The following CSMD3 variants were observed in gnomAD, a reference collection of about 807,000 sequenced individuals.
CSMD3 encodes the protein CUB and sushi domain-containing protein 3.
In CSMD3, 177 loss-of-function variants were observed where a neutral mutation model predicts 435.2. That is an observed-to-expected ratio of 0.41 (90% CI 0.36 to 0.46). The LOEUF (loss-of-function observed/expected upper bound fraction) is 0.46, where lower values mean the gene tolerates loss of function less well. CSMD3 is among the 20% of genes least tolerant of loss of function. The pLI is 0.34. For synonymous variants in CSMD3, 1,656 were observed against 1,520.5 expected (o/e 1.09, Z -2.07); for missense variants, 4,265 against 4,504.6 (o/e 0.95, Z 1.52).
chr8:112,791,144 G>A (rs528591171), intron 13 of CSMD3, among the ~76,000 whole-genome samples: 1 of 152,022 alleles, frequency 6.6e-6, no homozygotes, highest in East Asian at 1.9e-4. Flanking sequence ...GCAATGTGGT[G>A]AAACTCCATC....
intron 66 of CSMD3, among the ~76,000 whole-genome samples, chr8:112,241,248 G>A (rs1006986761): frequency 6.6e-6 from 1 of 151,910 alleles, no homozygotes; most frequent in Non-Finnish European, 1.5e-5. Flanking sequence ...AGGTTGTAGG[G>A]CTTTAAAGTT....
At chr8:112,715,191 A>T (rs781344348) in intron 13 of CSMD3, among the ~76,000 whole-genome samples, 5 of 152,182 alleles carry the variant, frequency 3.3e-5, no homozygotes, top group Non-Finnish European at 5.9e-5. Flanking sequence ...CTAATGAAGG[A>T]GAAAAGAGAT....
chr8:113,391,708 T>C (rs752605811), intron 1 of CSMD3, among the ~76,000 whole-genome samples: 2 of 151,810 alleles, frequency 1.3e-5, no homozygotes, highest in Non-Finnish European at 2.9e-5. Context: ...GAAGATGCAA[T>C]TGACAGAACT....
intron 13 of CSMD3, among the ~76,000 whole-genome samples, chr8:112,769,917 T>G (rs983581294): frequency 7.2e-5 from 11 of 152,022 alleles, no homozygotes; most frequent in African/African-American, 2.4e-4. Flanking sequence ...TGTACAATAG[T>G]GTAAATATAT....
At chr8:113,402,798 G>A (rs2094515882) in intron 1 of CSMD3, among the ~76,000 whole-genome samples, 1 of 151,284 alleles carries the variant, frequency 6.6e-6, no homozygotes, top group African/African-American at 2.4e-5. Context: ...TTAGTATAAG[G>A]AGTTAAGCAT....
chr8:112,784,638 T>C (rs1249509476), intron 13 of CSMD3, among the ~76,000 whole-genome samples: 2 of 151,988 alleles, frequency 1.3e-5, no homozygotes, highest in Non-Finnish European at 2.9e-5. Flanking sequence ...TGTGAGCAAC[T>C]ATATGCCAAG....
intron 3 of CSMD3, among the ~76,000 whole-genome samples, chr8:113,222,389 A>G (rs2092978141): frequency 6.6e-6 from 1 of 151,028 alleles, no homozygotes; most frequent in African/African-American, 2.4e-5. Context: ...GAATATTTCA[A>G]TATCTATTGA....
chr8:113,341,161 A>G (rs954090503), intron 1 of CSMD3, among the ~76,000 whole-genome samples: 3 of 152,162 alleles, frequency 2.0e-5, no homozygotes, highest in Non-Finnish European at 2.9e-5. Context: ...GCATGTATTT[A>G]TGCACATATA....
At chr8:112,535,372 C>G (rs1368558038) in intron 27 of CSMD3, among the ~76,000 whole-genome samples, 1 of 151,982 alleles carries the variant, frequency 6.6e-6, no homozygotes, top group South Asian at 2.1e-4. Flanking sequence ...TCTTATACAC[C>G]AATAACAGAC....
chr8:112,327,601 T>C (rs1308226467), intron 45 of CSMD3, among the ~76,000 whole-genome samples: 1 of 152,204 alleles, frequency 6.6e-6, no homozygotes, highest in Non-Finnish European at 1.5e-5. Context: ...ATTCACACTT[T>C]AAAAATACAC....
At chr8:112,466,549 C>T (rs1817974854) in intron 32 of CSMD3, among the ~76,000 whole-genome samples, 1 of 152,102 alleles carries the variant, frequency 6.6e-6, no homozygotes, top group South Asian at 2.1e-4. Context: ...CAAGTCAAAA[C>T]TACATTAGCA....
At chr8:112,735,295 GA>G (rs1417573636) in intron 13 of CSMD3, among the ~76,000 whole-genome samples, 2 of 151,944 alleles carry the variant, frequency 1.3e-5, no homozygotes, top group African/African-American at 4.8e-5. Flanking sequence ...AGCACAATGT[GA>G]GCAGAGCAGA....
rs1238135562 is a variant in CSMD3 at position 113,153,167 on chromosome 8, GAAGGAAAGA to G, written c.709+20546_709+20554del. On this transcript the variant is annotated intron_variant, in intron 4 of 70. Transcript: ENST00000297405. ...GGAAGGAAGGAAGGAAGGAAGGAAG[GAAGGAAAGA>G]AGGAAGGGAGGGAAGGAGGAAGGGA... is the stretch of plus-strand genomic sequence containing the variant. 3.5e-5 allele frequency among the ~76,000 whole-genome samples: 5 copies of G among 142,594 alleles called. No individual in the cohort carries two copies. The East Asian group carries it at 8.5e-4, about 24-fold the overall frequency. The allele number at this position is 142,594 out of a possible 152,430, so 93.5% of individuals were successfully genotyped here. A position where few individuals can be genotyped will look rare whatever the true frequency, so the allele number is the denominator to read the frequency against.
At chr8:112,794,777 C>G (rs7824961) in intron 13 of CSMD3, among the ~76,000 whole-genome samples, 1 of 151,982 alleles carries the variant, frequency 6.6e-6, no homozygotes, top group Non-Finnish European at 1.5e-5. Flanking sequence ...AAAAAAATTA[C>G]CCCCTTGAAA....
At chr8:112,615,488 T>A in intron 22 of CSMD3, among the ~76,000 whole-genome samples, 1 of 152,066 alleles carries the variant, frequency 6.6e-6, no homozygotes, top group Non-Finnish European at 1.5e-5. Context: ...GCACAGTAAT[T>A]GGTACCTAGA....
chr8:113,093,692 G>A (rs1302516362), intron 5 of CSMD3, among the ~76,000 whole-genome samples: 1 of 152,064 alleles, frequency 6.6e-6, no homozygotes, highest in Non-Finnish European at 1.5e-5. Context: ...TTAGATGGGA[G>A]TCAGCCTTCA....
At chr8:112,741,102 A>T (rs2077294809) in intron 13 of CSMD3, among the ~76,000 whole-genome samples, 1 of 151,936 alleles carries the variant, frequency 6.6e-6, no homozygotes. Flanking sequence ...GAAAGAAGGC[A>T]AGGAGTCAGC....
chr8:113,046,442 G>C (rs1285041977), intron 5 of CSMD3, among the ~76,000 whole-genome samples: 1 of 150,040 alleles, frequency 6.7e-6, no homozygotes, highest in Non-Finnish European at 1.5e-5. Flanking sequence ...CAGCCACCCA[G>C]GTGTCTCCCT....
chr8:113,211,779 C>T (rs989932412), intron 3 of CSMD3, among the ~76,000 whole-genome samples: 1 of 152,166 alleles, frequency 6.6e-6, no homozygotes, highest in African/African-American at 2.4e-5. Flanking sequence ...AAAGTCAGCT[C>T]TGAATAGCCA....
Sources: allele counts gnomAD v4.1 joint callset (sites outside exome capture counted in the v4.1 genomes callset), GRCh38; gene constraint gnomAD v4.1.1; transcripts MANE v1.5; gene names NCBI Gene and HGNC (gene_info 2026-07-23, HGNC 2026-07-21).